BTBD7: variants seen among roughly 807,000 people sequenced by gnomAD.
BTBD7 encodes BTB domain containing 7, also known as BTB/POZ domain-containing protein 7.
BTBD7 carries 38 observed loss-of-function variants against 99.9 expected under a neutral mutation model. The ratio of observed to expected loss-of-function variants is 0.38; its 90% CI spans 0.29 to 0.50. The LOEUF is 0.50. BTBD7 is among the 20% of genes least tolerant of loss of function. BTBD7 has a pLI of 0.93. For synonymous variants in BTBD7, 520 were observed against 511.4 expected (o/e 1.02, Z -0.23); for missense variants, 1,170 against 1,394.6 (o/e 0.84, Z 2.57).
chr14:93,324,377 G>C (rs1332089543), intron 1 of BTBD7, among the ~76,000 whole-genome samples: 1 of 149,094 alleles, frequency 6.7e-6, no homozygotes, highest in Non-Finnish European at 1.5e-5. Flanking sequence ...AGCTGTGATT[G>C]TATCACTGCA....
At chr14:93,320,810 G>A (rs1431229580) in intron 1 of BTBD7, among the ~76,000 whole-genome samples, 2 of 151,962 alleles carry the variant, frequency 1.3e-5, no homozygotes, top group African/African-American at 4.8e-5. Flanking sequence ...TCTACACACA[G>A]AGAAATTACA....
At chr14:93,288,329 T>C in intron 3 of BTBD7, 2 of 600,164 alleles carry the variant, frequency 3.3e-6, no homozygotes, top group Non-Finnish European at 5.9e-6. Flanking sequence ...TTGTCTCCAC[T>C]CATCTCTTTA....
intron 1 of BTBD7, among the ~76,000 whole-genome samples, chr14:93,301,954 T>C (rs2139785524): frequency 6.6e-6 from 1 of 152,266 alleles, no homozygotes; most frequent in Non-Finnish European, 1.5e-5. Context: ...AAAGATTTAT[T>C]AGGCAAAGCG....
intron 1 of BTBD7, among the ~76,000 whole-genome samples, chr14:93,322,269 A>G (rs2053278913): frequency 6.6e-6 from 1 of 152,006 alleles, no homozygotes; most frequent in East Asian, 1.9e-4. Context: ...ACATACCACC[A>G]TACCTGGCTA....
chr14:93,297,877 A>G (rs950896222), intron 1 of BTBD7, among the ~76,000 whole-genome samples: 6 of 152,216 alleles, frequency 3.9e-5, no homozygotes, highest in African/African-American at 1.4e-4. Flanking sequence ...ATCATGTAAA[A>G]TAAAAAGCCT....
intron 1 of BTBD7, among the ~76,000 whole-genome samples, chr14:93,320,458 T>C (rs935486182): frequency 6.6e-6 from 1 of 152,178 alleles, no homozygotes; most frequent in East Asian, 1.9e-4. Flanking sequence ...AGTGCCAAGG[T>C]TGAGAAGCCC....
At chr14:93,285,918 T>C (rs1354134463) in intron 3 of BTBD7, among the ~76,000 whole-genome samples, 1 of 152,194 alleles carries the variant, frequency 6.6e-6, no homozygotes, top group Non-Finnish European at 1.5e-5. Flanking sequence ...TAATCTACAG[T>C]GTTGCTGGGA....
Position 93,243,024 on chromosome 14 carries a change from AGTG to A in BTBD7, c.2645_2647del (p.Ser882_Leu883delinsPhe), listed in dbSNP as rs767809456. ...AAGCTCTGGAAGCCTCCTGTCCTTG[AGTG>A]ACAGTGTGGACACACCCACCGCGAT... On this transcript the variant is annotated inframe_deletion, in exon 11 of 11. Transcript: ENST00000334746. The A allele has an allele frequency of 6.2e-7, 1 of 1,613,980 alleles. No individual in the cohort carries two copies. The highest frequency in any genetic ancestry group is 8.5e-7 in the Non-Finnish European group (1 of 1,180,002).
At chr14:93,288,572 T>C in intron 3 of BTBD7, 1 of 846,366 alleles carries the variant, frequency 1.2e-6, no homozygotes, top group Non-Finnish European at 2.1e-6. Flanking sequence ...CTTTTTGCTC[T>C]GATCTCTGTC....
At chr14:93,269,326 T>C (rs967618829) in intron 3 of BTBD7, among the ~76,000 whole-genome samples, 8 of 152,186 alleles carry the variant, frequency 5.3e-5, no homozygotes, top group South Asian at 4.1e-4. Flanking sequence ...AATGTAAATA[T>C]AGCAGCAAGG....
rs537138286 is a variant in BTBD7, at chr14:93,242,773, G to C, written c.2899C>G (p.Pro967Ala). 5.0e-6 allele frequency: 8 copies of C among 1,614,220 alleles called. No individual in the cohort carries two copies. The South Asian group carries it at 6.6e-5, about 13-fold the overall frequency. Residue 967 changes from proline to alanine, a missense_variant, in exon 11 of 11, where the codon CCT becomes GCT. Physicochemically the swap from Pro to Ala is conservative, Grantham distance 27. Transcript: ENST00000334746. ...GGACCAAAATATCCACCTTGCGAAG[G>C]GGAAGGGGTGCGTCTGCTGAGAGCA... The part of the protein sequence containing the change: ...TPALSRRTPS[P>A]SQGGYFGPDL...
At chr14:93,263,211 T>C (rs561073244) in intron 4 of BTBD7, among the ~76,000 whole-genome samples, 14 of 152,356 alleles carry the variant, frequency 9.2e-5, no homozygotes, top group African/African-American at 3.1e-4. Context: ...TTCTGTAATG[T>C]ATAAAATCTA....
chr14:93,285,920 T>A (rs561069374), intron 3 of BTBD7, among the ~76,000 whole-genome samples: 1 of 152,216 alleles, frequency 6.6e-6, no homozygotes, highest in African/African-American at 2.4e-5. Flanking sequence ...ATCTACAGTG[T>A]TGCTGGGAAA....
intron 3 of BTBD7, among the ~76,000 whole-genome samples, chr14:93,280,898 C>T (rs1375010285): frequency 6.7e-6 from 1 of 149,170 alleles, no homozygotes; most frequent in Non-Finnish European, 1.5e-5. Context: ...CAGGCTGAAT[C>T]ACAACTCACT....
At chr14:93,283,701 G>A (rs1031392110) in intron 3 of BTBD7, among the ~76,000 whole-genome samples, 8 of 152,110 alleles carry the variant, frequency 5.3e-5, no homozygotes, top group Non-Finnish European at 1.2e-4. Flanking sequence ...ACAGGTGTGC[G>A]CCACCATGCC....
chr14:93,302,972 C>G (rs1209821236), intron 1 of BTBD7, among the ~76,000 whole-genome samples: 1 of 152,128 alleles, frequency 6.6e-6, no homozygotes, highest in Non-Finnish European at 1.5e-5. Context: ...ATGAGCATGC[C>G]AGTGCACTGC....
At chr14:93,301,612 C>T (rs1868790295) in intron 1 of BTBD7, among the ~76,000 whole-genome samples, 2 of 152,088 alleles carry the variant, frequency 1.3e-5, no homozygotes, top group African/African-American at 2.4e-5. Context: ...ATTGCTTGTG[C>T]CAGGAGTTCG....
intron 1 of BTBD7, among the ~76,000 whole-genome samples, chr14:93,328,903 C>T (rs1400881092): frequency 6.6e-6 from 1 of 152,170 alleles, no homozygotes; most frequent in Non-Finnish European, 1.5e-5. Context: ...GGTGACAGAC[C>T]CAGAACCTAT....
intron 1 of BTBD7, among the ~76,000 whole-genome samples, chr14:93,313,939 TCTCA>T (rs889809335): frequency 2.6e-5 from 4 of 151,486 alleles, no homozygotes; most frequent in South Asian, 4.2e-4. Flanking sequence ...TACAGACGGG[TCTCA>T]CTATGTTGCC....
Sources: allele counts gnomAD v4.1 joint callset (sites outside exome capture counted in the v4.1 genomes callset), GRCh38; gene constraint gnomAD v4.1.1; transcripts MANE v1.5; gene names NCBI Gene and HGNC (gene_info 2026-07-23, HGNC 2026-07-21).